The following WWC1 variants were observed in gnomAD, a reference collection of about 807,000 sequenced individuals.
The protein encoded by WWC1 is WW and C2 domain containing 1.
A neutral mutation model predicts 138.4 loss-of-function variants in WWC1; 55 were observed. The observed-to-expected ratio is 0.40, with a 90% CI of 0.32 to 0.50. The LOEUF (loss-of-function observed/expected upper bound fraction) is 0.50. Among genes scored for constraint, WWC1 ranks in the 20% least tolerant of loss-of-function variants. The probability of loss-of-function intolerance (pLI) is 0.72; values close to 1 mark genes in which losing one functional copy is unlikely to be tolerated. For missense variants in WWC1, 1,226 were observed against 1,420.4 expected (o/e 0.86, Z 2.20); for synonymous variants, 524 against 564.9 (o/e 0.93, Z 1.03).
chr5:168,332,074 A>C (rs1406238625), intron 1 of WWC1, among the ~76,000 whole-genome samples: 3 of 151,792 alleles, frequency 2.0e-5, no homozygotes, highest in African/African-American at 7.3e-5. Flanking sequence ...TGAACCCAGG[A>C]GGTGGAGGTT....
At chr5:168,423,474 T>C (rs917710188) in intron 10 of WWC1, 59 bp from the exon 11 acceptor site, 4 of 1,540,924 alleles carry the variant, frequency 2.6e-6, no homozygotes, top group Non-Finnish European at 3.5e-6. Context: ...CAGCAGAAGG[T>C]CTCAGGGGGC....
At chr5:168,429,910 G>A (rs546070189) in intron 13 of WWC1, among the ~76,000 whole-genome samples, 76 of 152,198 alleles carry the variant, frequency 5.0e-4, no homozygotes, top group African/African-American at 1.7e-3. Context: ...ACTCAACCTG[G>A]ATGACAGAGT....
rs869185877 is a variant in WWC1 at position 168,454,036 on chromosome 5, AGG to A, written c.2596_2597del (p.Gly866ArgfsTer12). On this transcript the variant is annotated frameshift_variant, in exon 18 of 23. Coordinates refer to ENST00000265293, the MANE Select transcript of WWC1 (RefSeq NM_015238.3). LOFTEE classifies it high-confidence loss of function. ...GAGGAGGAGGAGGTGGAGGAGGAGG[AGG>A]GAGAAGAGGATGTTTTCACCGAGAA... 25 of 1,571,248 alleles carry A rather than the reference AGG, an allele frequency of 1.6e-5. No individual in the cohort carries two copies. The East Asian group carries it at 5.8e-4, about 36-fold the overall frequency.
chr5:168,441,749 T>G lies in WWC1; in HGVS notation c.2348T>G (p.Leu783Arg). 1 of 1,614,188 alleles carries G rather than the reference T, an allele frequency of 6.2e-7. No homozygotes were observed. The highest frequency in any genetic ancestry group is 2.2e-5 in the East Asian group (1 of 44,884). ...GAGAGGTCGACTCGCTGGTACAACCTTCTCAGCTACAAATACTTGAAGAAA... is the reference window on the plus strand; with the variant it reads ...GAGAGGTCGACTCGCTGGTACAACCGTCTCAGCTACAAATACTTGAAGAAA... ...SGERSTRWYN[L>R]LSYKYLKKQS... The change falls in exon 16 of 23, where the codon CTT becomes CGT. Residue 783 changes from leucine (L) to arginine (R), a missense_variant. Coordinates refer to ENST00000265293, the MANE Select transcript of WWC1 (RefSeq NM_015238.3).
chr5:168,441,966 A>C, intron 16 of WWC1, 132 bp downstream of exon 16: 1 of 1,336,230 alleles, frequency 7.5e-7, no homozygotes, highest in Admixed American at 2.8e-5. Context: ...GTAGGAGAAG[A>C]AGACAGGGAA....
chr5:168,424,752 G>A lies in WWC1; in HGVS notation c.1810+684G>A, dbSNP rs749527202. Among the ~76,000 whole-genome samples, 12 of 152,294 alleles carry A rather than the reference G, an allele frequency of 7.9e-5. No individual in the cohort carries two copies. The South Asian group carries it at 2.3e-3, about 29-fold the overall frequency. Reference sequence around the variant, plus strand: ...CTAGGCAAGAGTCCAGATCCTGAAAGGCCTGGTGGGCTGTGCTAAGGAGTT... The same window carrying A: ...CTAGGCAAGAGTCCAGATCCTGAAAAGCCTGGTGGGCTGTGCTAAGGAGTT... On this transcript the variant is annotated intron_variant, in intron 11 of 22. Coordinates refer to ENST00000265293, the MANE Select transcript of WWC1 (RefSeq NM_015238.3).
rs749653075 is a variant in WWC1, at chr5:168,441,716, G to A, written c.2315G>A (p.Arg772Gln). The A allele has an allele frequency of 2.8e-5, 45 of 1,613,998 alleles. No individual in the cohort carries two copies. Among genetic ancestry groups the A allele is most frequent in the East Asian group, 6.7e-5 (3 of 44,872 alleles). The stretch of plus-strand genomic sequence containing the variant: ...CAGATCAGCCTGGCGGAGGTCTGCC[G>A]GTCTGGGGAGAGGTCGACTCGCTGG... Reference protein sequence around the residue: ...GAQISLAEVCRSGERSTRWYN... With the variant: ...GAQISLAEVCQSGERSTRWYN... Residue 772 changes from arginine to glutamine, a missense_variant, in exon 16 of 23, where the codon CGG (arginine) becomes CAG (glutamine). Arg to Gln is a conservative substitution (Grantham distance 43, BLOSUM62 1). This residue lies in a region of WWC1 where 1,016 missense variants were observed against 1,153.9 expected (regional missense o/e 0.88). Transcript: ENST00000265293.
chr5:168,376,355 A>G (rs1312450623), intron 2 of WWC1, among the ~76,000 whole-genome samples: 1 of 152,204 alleles, frequency 6.6e-6, no homozygotes, highest in Non-Finnish European at 1.5e-5. Context: ...TGCCTGGCCC[A>G]TATTTGTCAT....
chr5:168,383,986 T>C (rs1322984460), intron 2 of WWC1, among the ~76,000 whole-genome samples: 1 of 152,224 alleles, frequency 6.6e-6, no homozygotes, highest in Non-Finnish European at 1.5e-5. Flanking sequence ...TAGTTGGTTG[T>C]TGATATTTTC....
intron 1 of WWC1, among the ~76,000 whole-genome samples, chr5:168,357,833 C>A (rs1775580134): frequency 6.6e-6 from 1 of 152,110 alleles, no homozygotes; most frequent in Non-Finnish European, 1.5e-5. Flanking sequence ...GAGAAAAACC[C>A]ATAAAGCAAG....
At position 168,451,557 on chromosome 5, in the gene WWC1, C is replaced by T. The variant is rs370697081; in HGVS notation, c.2526-2411C>T. On this transcript the variant is annotated intron_variant, in intron 17 of 22. Transcript: ENST00000265293. Reference sequence around the variant, plus strand: ...TCTGCAAAAGATTTACTAAATTAGCCGGGCATGGTGGCACGTGCCTGTAGT... The same window carrying T: ...TCTGCAAAAGATTTACTAAATTAGCTGGGCATGGTGGCACGTGCCTGTAGT... Among the ~76,000 whole-genome samples, 15 of 152,024 alleles carry T rather than the reference C, an allele frequency of 9.9e-5. No homozygotes were observed. In the South Asian group the frequency reaches 2.3e-3, roughly 23 times the overall value.
chr5:168,419,927 T>G (rs189076904), intron 9 of WWC1, among the ~76,000 whole-genome samples: 1 of 152,320 alleles, frequency 6.6e-6, no homozygotes, highest in East Asian at 1.9e-4. Context: ...GATAGTTTAC[T>G]GAATTGGGCT....
intron 1 of WWC1, among the ~76,000 whole-genome samples, chr5:168,338,593 G>A (rs1401528114): frequency 1.3e-5 from 2 of 151,808 alleles, no homozygotes; most frequent in African/African-American, 2.4e-5. Flanking sequence ...GTATTTTTTA[G>A]TAGAGACGGG....
rs775338982 is a variant in WWC1, at chr5:168,453,940, G to A, written c.2526-28G>A. On this transcript the variant is annotated intron_variant, in intron 17 of 22. Coordinates refer to ENST00000265293, the MANE Select transcript of WWC1 (RefSeq NM_015238.3). The stretch of plus-strand genomic sequence containing the variant: ...AACAGAGGCAGAGCGGCTTCTGGGT[G>A]GGTAACCAAAGTGCTTTGTCATCAC... 3.1e-6 allele frequency: 5 copies of A among 1,611,350 alleles called. No individual in the cohort carries two copies. The South Asian group carries it at 3.3e-5, about 11-fold the overall frequency.
intron 16 of WWC1, among the ~76,000 whole-genome samples, chr5:168,444,293 C>T (rs13159006): frequency 2.0e-5 from 3 of 152,244 alleles, no homozygotes; most frequent in Non-Finnish European, 4.4e-5. Flanking sequence ...AGGAGCTATT[C>T]TCTGGAGAAC....
intron 1 of WWC1, among the ~76,000 whole-genome samples, chr5:168,329,196 A>T (rs2152765142): frequency 6.6e-6 from 1 of 152,272 alleles, no homozygotes; most frequent in Middle Eastern, 3.4e-3. Flanking sequence ...CTGACTGATA[A>T]CACAATTTAC....
chr5:168,386,236 C>G (rs902467904), intron 3 of WWC1, among the ~76,000 whole-genome samples: 2 of 151,904 alleles, frequency 1.3e-5, no homozygotes, highest in African/African-American at 4.8e-5. Context: ...TGTTTATTTC[C>G]TTCATATCAC....
At chr5:168,422,449 C>A (rs1719901078) in intron 10 of WWC1, among the ~76,000 whole-genome samples, 1 of 151,976 alleles carries the variant, frequency 6.6e-6, no homozygotes, top group Non-Finnish European at 1.5e-5. Flanking sequence ...AGCAACATGG[C>A]GAAACTAAAA....
intron 1 of WWC1, among the ~76,000 whole-genome samples, chr5:168,296,118 G>A (rs1741044607): frequency 6.6e-6 from 1 of 152,152 alleles, no homozygotes; most frequent in African/African-American, 2.4e-5. Flanking sequence ...TCACTTCGTG[G>A]TATGCAAAAC....
Sources: allele counts gnomAD v4.1 joint callset (sites outside exome capture counted in the v4.1 genomes callset), GRCh38; gene constraint gnomAD v4.1.1; regional missense constraint gnomAD v4.1.1; transcripts MANE v1.5; gene names NCBI Gene and HGNC (gene_info 2026-07-23, HGNC 2026-07-21).